DIS3L2: variants seen among roughly 807,000 people sequenced by gnomAD.
The protein encoded by DIS3L2 is DIS3 like 3'-5' exoribonuclease 2.
In DIS3L2, 34 loss-of-function variants were observed where a neutral mutation model predicts 97.5. The ratio of observed to expected loss-of-function variants is 0.35; its 90% CI spans 0.27 to 0.46. The LOEUF (loss-of-function observed/expected upper bound fraction) is 0.46, where lower values mean the gene tolerates loss of function less well. Ranked by LOEUF, DIS3L2 falls within the 20% of genes least tolerant of loss-of-function variation. The pLI is 1.00. For synonymous variants in DIS3L2, 435 were observed against 445.2 expected (o/e 0.98, Z 0.29); for missense variants, 1,038 against 1,146.0 (o/e 0.91, Z 1.36).
chr2:232,338,054 C>T (rs1189391986), downstream of DIS3L2, among the ~76,000 whole-genome samples: 7 of 151,646 alleles, frequency 4.6e-5, no homozygotes, highest in African/African-American at 1.2e-4. Context: ...GACAGGCGAG[C>T]GTCTGGGGGT....
At chr2:232,094,414 G>A (rs1467074921) in intron 6 of DIS3L2, among the ~76,000 whole-genome samples, 1 of 152,070 alleles carries the variant, frequency 6.6e-6, no homozygotes, top group African/African-American at 2.4e-5. Flanking sequence ...CTGAAAATGG[G>A]GTGTTGAAAT....
intron 13 of DIS3L2, among the ~76,000 whole-genome samples, chr2:232,272,050 A>G (rs1694019950): frequency 6.6e-6 from 1 of 152,252 alleles, no homozygotes; most frequent in Non-Finnish European, 1.5e-5. Context: ...AATATGTGTC[A>G]TTAAGCATCA....
chr2:232,222,477 A>ATT (rs539942261), intron 10 of DIS3L2, among the ~76,000 whole-genome samples: 427 of 148,348 alleles, frequency 2.9e-3, no homozygotes, highest in Non-Finnish European at 4.8e-3. Flanking sequence ...CAAGTGAACA[A>ATT]TTTTTTTTTT....
chr2:232,293,893 G>T lies in DIS3L2; in HGVS notation c.1660-6147G>T, dbSNP rs759126885. On this transcript the variant is annotated intron_variant, in intron 13 of 20. Transcript: ENST00000325385. This position sits in a 1 kb window ranked among gnomAD's most constrained non-coding sequence, Gnocchi z 4.6. Reference sequence around the variant, plus strand: ...GAGCGGATTAGGAGAACATAGCCAAGGGAGTAGGAAGATACATTGTGTGTC... The same window carrying T: ...GAGCGGATTAGGAGAACATAGCCAATGGAGTAGGAAGATACATTGTGTGTC... Among the ~76,000 whole-genome samples the T allele has an allele frequency of 2.6e-5, 4 of 152,226 alleles. No individual in the cohort carries two copies. The highest frequency in any genetic ancestry group is 4.4e-5 in the Non-Finnish European group (3 of 68,036).
intron 10 of DIS3L2, among the ~76,000 whole-genome samples, chr2:232,214,169 T>C (rs1364983227): frequency 1.3e-5 from 2 of 152,190 alleles, no homozygotes; most frequent in Non-Finnish European, 2.9e-5. Flanking sequence ...GTTTTATTAT[T>C]GTACAGATCA....
intron 6 of DIS3L2, among the ~76,000 whole-genome samples, chr2:232,116,219 T>TA (rs1282000103): frequency 6.7e-6 from 1 of 150,200 alleles, no homozygotes; most frequent in Non-Finnish European, 1.5e-5. Context: ...AATAAATAAA[T>TA]AAAACAGATG....
Position 232,302,750 on chromosome 2 carries a change from G to A in DIS3L2, c.1739+2631G>A, listed in dbSNP as rs148885598. Among the ~76,000 whole-genome samples, 151 of 151,794 alleles carry A rather than the reference G, an allele frequency of 9.9e-4. 2 individuals carry two copies. Among genetic ancestry groups the A allele is most frequent in the African/African-American group, 3.4e-3 (141 of 41,406 alleles). On this transcript the variant is annotated intron_variant, in intron 14 of 20. Coordinates refer to ENST00000325385, the MANE Select transcript of DIS3L2 (RefSeq NM_152383.5). ...TAAATTTTGTATTTTTAGTAGAGAT[G>A]GGGTTTCACCATATTGGCGAGGCTG... is the stretch of plus-strand genomic sequence containing the variant.
At chr2:232,092,865 AT>A (rs1696886211) in intron 6 of DIS3L2, among the ~76,000 whole-genome samples, 3 of 152,086 alleles carry the variant, frequency 2.0e-5, no homozygotes, top group Non-Finnish European at 2.9e-5. Flanking sequence ...TTCCTTTCCA[AT>A]TTGGGTGCCC....
intron 5 of DIS3L2, among the ~76,000 whole-genome samples, chr2:232,048,603 G>A (rs1444737401): frequency 2.0e-5 from 3 of 151,990 alleles, no homozygotes; most frequent in Non-Finnish European, 2.9e-5. Context: ...GTGGCGGGGT[G>A]CGCCTGTAGT....
At chr2:232,333,756 G>GGCCAA in intron 16 of DIS3L2, 84 bp from the exon 17 acceptor site, 1 of 1,487,198 alleles carries the variant, frequency 6.7e-7, no homozygotes, top group Non-Finnish European at 8.9e-7. Flanking sequence ...CGCTGCCGAC[G>GGCCAA]GTGAGGCTGT....
At chr2:232,333,755 C>CG in intron 16 of DIS3L2, 85 bp from the exon 17 acceptor site, 2 of 1,488,974 alleles carry the variant, frequency 1.3e-6, no homozygotes, top group South Asian at 1.4e-5. Flanking sequence ...TCGCTGCCGA[C>CG]GGTGAGGCTG....
At chr2:232,133,410 A>G (rs911597044) in intron 7 of DIS3L2, among the ~76,000 whole-genome samples, 4 of 152,312 alleles carry the variant, frequency 2.6e-5, no homozygotes, top group Non-Finnish European at 5.9e-5. Context: ...TTAAACCCCA[A>G]CAGGGTGTAT....
At chr2:232,320,897 A>T (rs1179938163) in intron 14 of DIS3L2, among the ~76,000 whole-genome samples, 1 of 152,172 alleles carries the variant, frequency 6.6e-6, no homozygotes. Flanking sequence ...CCAGAGAAGG[A>T]CAGTCTGGAT....
chr2:232,200,438 CT>C (rs1691859758), intron 9 of DIS3L2, among the ~76,000 whole-genome samples: 1 of 152,054 alleles, frequency 6.6e-6, no homozygotes, highest in Non-Finnish European at 1.5e-5. Flanking sequence ...AATTATAAAC[CT>C]GGGGCAGGGA....
In DIS3L2 at chr2:232,326,705, G is replaced by T. The variant is rs1695587552; in HGVS notation, c.1740-3108G>T. On this transcript the variant is annotated intron_variant, in intron 14 of 20. Coordinates refer to ENST00000325385, the MANE Select transcript of DIS3L2 (RefSeq NM_152383.5). The stretch of plus-strand genomic sequence containing the variant: ...GTCCCTGCTTAATGTGGCCTAACTA[G>T]TTGGGCCAGAGCTCCACAGGTGCTG... Among the ~76,000 whole-genome samples, 2 of 147,144 alleles carry T rather than the reference G, an allele frequency of 1.4e-5. 1 individual carries two copies. The highest frequency in any genetic ancestry group is 1.3e-4 in the Admixed American group (2 of 14,866).
chr2:232,207,856 A>G (rs910254623), intron 9 of DIS3L2, among the ~76,000 whole-genome samples: 4 of 152,180 alleles, frequency 2.6e-5, no homozygotes, highest in Non-Finnish European at 5.9e-5. Flanking sequence ...ACAATAATAC[A>G]TATCTGATCA....
chr2:232,007,058 G>T (rs4973026), intron 1 of DIS3L2, among the ~76,000 whole-genome samples: 1,876 of 152,308 alleles, frequency 0.012, 84 homozygotes, highest in East Asian at 0.067. Flanking sequence ...GGGAATGAGA[G>T]AAATGGAATG....
chr2:232,221,575 G>T (rs1176842154), intron 10 of DIS3L2, among the ~76,000 whole-genome samples: 1 of 152,148 alleles, frequency 6.6e-6, no homozygotes, highest in Non-Finnish European at 1.5e-5. Flanking sequence ...AGACCAAGGC[G>T]GGTGGATCAC....
intron 8 of DIS3L2, among the ~76,000 whole-genome samples, chr2:232,138,911 T>C (rs1261640396): frequency 6.6e-6 from 1 of 152,212 alleles, no homozygotes; most frequent in Non-Finnish European, 1.5e-5. Flanking sequence ...ATTTTCCTCT[T>C]CTGTAGTTAC....
Sources: allele counts gnomAD v4.1 joint callset (sites outside exome capture counted in the v4.1 genomes callset), GRCh38; gene constraint gnomAD v4.1.1; non-coding constraint Gnocchi (gnomAD v3.1); transcripts MANE v1.5; gene names NCBI Gene and HGNC (gene_info 2026-07-23, HGNC 2026-07-21).